CLUL1: variants seen among roughly 807,000 people sequenced by gnomAD.
The protein encoded by CLUL1 is clusterin-like protein 1.
CLUL1 carries 43 observed loss-of-function variants against 49.4 expected under a neutral mutation model. The observed-to-expected ratio is 0.87, with a 90% confidence interval of 0.68 to 1.12. The LOEUF (loss-of-function observed/expected upper bound fraction) is 1.12, where lower values mean the gene tolerates loss of function less well. Ranked by LOEUF, CLUL1 falls within the 50% of genes most tolerant of loss-of-function variation. The pLI is 0.00. For synonymous variants in CLUL1, 192 were observed against 184.9 expected (o/e 1.04, Z -0.31); for missense variants, 486 against 544.4 (o/e 0.89, Z 1.07).
chr18:638,686 C>G (rs1361600641), intron 7 of CLUL1, among the ~76,000 whole-genome samples: 1 of 151,748 alleles, frequency 6.6e-6, no homozygotes, highest in Non-Finnish European at 1.5e-5. Context: ...GGTGAAACCC[C>G]GTCTCTACTA....
At position 618,528 on chromosome 18, in the gene CLUL1, G is replaced by A. The variant is rs1277850406; in HGVS notation, c.106+422G>A. ...TTACGTTGAATCTGGTTGTTCTGTG[G>A]CCATTAACTTGCAACTTTGCTTGGT... On this transcript the variant is annotated intron_variant, in intron 3 of 9. Coordinates refer to ENST00000692774, the MANE Select transcript of CLUL1 (RefSeq NM_001393344.1). The surrounding 1 kb of genome is among the most constrained non-coding windows in gnomAD (Gnocchi z 4.2). Among the ~76,000 whole-genome samples the A allele has an allele frequency of 6.6e-6, 1 of 152,150 alleles. No individual in the cohort carries two copies. Among genetic ancestry groups the A allele is most frequent in the Non-Finnish European group, 1.5e-5 (1 of 68,030 alleles).
chr18:650,012 GT>G lies in CLUL1; in HGVS notation c.*113del. The G allele has an allele frequency of 1.3e-6, 1 of 751,670 alleles. No homozygotes were observed. The highest frequency in any genetic ancestry group is 2.2e-6 in the Non-Finnish European group (1 of 445,060). The allele number at this position is 751,670 out of a possible 1,614,324, so 46.6% of individuals were successfully genotyped here. A position where few individuals can be genotyped will look rare whatever the true frequency, so the allele number is the denominator to read the frequency against. The stretch of plus-strand genomic sequence containing the variant: ...AATAAACACAGTTGCAGGAAAGTAT[GT>G]TAGCTATATACTATGAAGTACTCTT... On this transcript the variant is annotated 3_prime_UTR_variant, in exon 10 of 10. Coordinates refer to ENST00000692774, the MANE Select transcript of CLUL1 (RefSeq NM_001393344.1).
chr18:599,635 A>G (rs1289053980), intron 1 of CLUL1, among the ~76,000 whole-genome samples: 1 of 152,192 alleles, frequency 6.6e-6, no homozygotes, highest in Non-Finnish European at 1.5e-5. Context: ...CATAAAGATA[A>G]AAATTAATAA....
chr18:618,008 C>A lies in CLUL1; in HGVS notation c.8C>A (p.Pro3Gln). The change falls in exon 3 of 10, where the codon CCG becomes CAG. Residue 3 changes from proline to glutamine, a missense_variant. Physicochemically the swap from Pro to Gln is moderately conservative, Grantham distance 76. Coordinates refer to ENST00000692774, the MANE Select transcript of CLUL1 (RefSeq NM_001393344.1). This position sits in a 1 kb window ranked among gnomAD's most constrained non-coding sequence, Gnocchi z 4.2. ...TGCAGTAACAGCGGGAACATGAAGC[C>A]GCCACTCTTGGTGTTTATTGTGTGT... MK[P>Q]PLLVFIVCLL... 7 of 1,613,986 alleles carry A rather than the reference C, an allele frequency of 4.3e-6. No individual in the cohort carries two copies. The highest frequency in any genetic ancestry group is 5.9e-6 in the Non-Finnish European group (7 of 1,179,976).
At chr18:633,643 T>G (rs1431814344) in intron 7 of CLUL1, among the ~76,000 whole-genome samples, 2 of 152,160 alleles carry the variant, frequency 1.3e-5, no homozygotes, top group Admixed American at 6.5e-5. Flanking sequence ...AAGGGGTTCT[T>G]AACCCTGACA....
At chr18:634,506 T>A (rs2074087016) in intron 7 of CLUL1, among the ~76,000 whole-genome samples, 1 of 152,126 alleles carries the variant, frequency 6.6e-6, no homozygotes, top group Non-Finnish European at 1.5e-5. Context: ...TTCTTGTGAT[T>A]TTTTTTATGA....
intron 7 of CLUL1, among the ~76,000 whole-genome samples, chr18:633,728 T>C (rs138925320): frequency 4.6e-5 from 7 of 152,146 alleles, no homozygotes; most frequent in South Asian, 2.1e-4. Context: ...CTAATTCCCA[T>C]TGGCTAATTT....
At chr18:635,689 C>A (rs1376138105) in intron 7 of CLUL1, among the ~76,000 whole-genome samples, 3 of 150,718 alleles carry the variant, frequency 2.0e-5, no homozygotes, top group Non-Finnish European at 3.0e-5. Context: ...CCTTGGCTTT[C>A]TCTCCTCAAT....
At chr18:614,013 T>C (rs2073218730) in intron 2 of CLUL1, among the ~76,000 whole-genome samples, 1 of 152,178 alleles carries the variant, frequency 6.6e-6, no homozygotes, top group Admixed American at 6.5e-5. Context: ...TGGAAATATT[T>C]CTTCCAATAA....
chr18:645,690 A>T (rs981782438), intron 9 of CLUL1, among the ~76,000 whole-genome samples: 3 of 147,604 alleles, frequency 2.0e-5, no homozygotes, highest in Admixed American at 1.4e-4. Flanking sequence ...GCTACTCGGG[A>T]GGCTGAGGCA....
At chr18:634,874 C>A (rs552322667) in intron 7 of CLUL1, among the ~76,000 whole-genome samples, 1 of 152,286 alleles carries the variant, frequency 6.6e-6, no homozygotes, top group South Asian at 2.1e-4. Flanking sequence ...ACTCCTCCAA[C>A]CCCACCAGGG....
intron 9 of CLUL1, among the ~76,000 whole-genome samples, chr18:645,808 AAAATATATATATAT>A (rs1480423625): frequency 5.3e-5 from 3 of 56,902 alleles, no homozygotes; most frequent in African/African-American, 1.6e-4. Context: ...AAAAAAAAAA[AAAATATATATATAT>A]ATATATATAT....
chr18:598,538 A>G, intron 1 of CLUL1: 1 of 398,620 alleles, frequency 2.5e-6, no homozygotes, highest in Non-Finnish European at 4.4e-6. Context: ...CCATGGAGGC[A>G]GCAGTGGGAA....
chr18:597,303 G>T (rs1425465686), intron 1 of CLUL1, among the ~76,000 whole-genome samples, 174 bp downstream of exon 1: 1 of 151,634 alleles, frequency 6.6e-6, no homozygotes, highest in Non-Finnish European at 1.5e-5. Context: ...AATACTGTGG[G>T]CTGCTTCAGA....
At chr18:638,786 A>G (rs1187915793) in intron 7 of CLUL1, among the ~76,000 whole-genome samples, 2 of 151,944 alleles carry the variant, frequency 1.3e-5, no homozygotes, top group South Asian at 2.1e-4. Context: ...TGAAACCAGA[A>G]GCCGGAGGTT....
chr18:623,127 G>A (rs1232098533), intron 4 of CLUL1, among the ~76,000 whole-genome samples: 1 of 151,276 alleles, frequency 6.6e-6, no homozygotes, highest in East Asian at 1.9e-4. Context: ...CCGCCTCCTG[G>A]GTTCAAGCGA....
At chr18:649,330 A>C (rs2074607162) in intron 9 of CLUL1, among the ~76,000 whole-genome samples, 1 of 152,152 alleles carries the variant, frequency 6.6e-6, no homozygotes, top group Admixed American at 6.5e-5. Flanking sequence ...ATATATTTAG[A>C]ACCCTCTTCT....
chr18:630,874 TG>T (rs1414081522), intron 6 of CLUL1, among the ~76,000 whole-genome samples: 2 of 150,340 alleles, frequency 1.3e-5, no homozygotes, highest in Admixed American at 6.6e-5. Flanking sequence ...TTTTTTTTTT[TG>T]AGACAGATGA....
At position 604,027 on chromosome 18, in the gene CLUL1, C is replaced by T. The variant is rs188318360; in HGVS notation, c.-135-2951C>T. On this transcript the variant is annotated intron_variant, in intron 1 of 9. Transcript: ENST00000692774. ...TCCTGAGTAGCTGGGACTACAGACA[C>T]ACGCCACCTCACCTGGCTAATTTTT... 7.9e-5 allele frequency among the ~76,000 whole-genome samples: 12 copies of T among 152,256 alleles called. No individual in the cohort carries two copies. The East Asian group carries it at 1.7e-3, about 22-fold the overall frequency.
Sources: allele counts gnomAD v4.1 joint callset (sites outside exome capture counted in the v4.1 genomes callset), GRCh38; gene constraint gnomAD v4.1.1; non-coding constraint Gnocchi (gnomAD v3.1); transcripts MANE v1.5; gene names NCBI Gene and HGNC (gene_info 2026-07-23, HGNC 2026-07-21).